TMEM232: variants seen among roughly 807,000 people sequenced by gnomAD.
TMEM232 encodes the protein transmembrane protein 232.
In TMEM232, 80 loss-of-function variants were observed where a neutral mutation model predicts 78.8. That is an observed-to-expected ratio of 1.01 (90% CI 0.85 to 1.22). The LOEUF is 1.22. TMEM232 is among the 50% of genes most tolerant of loss of function. The pLI is 0.00. For missense variants in TMEM232, 881 were observed against 742.2 expected, an observed-to-expected ratio of 1.19 and a Z score of -2.17; for synonymous variants, 297 against 254.3, an observed-to-expected ratio of 1.17 and a Z score of -1.60.
chr5:110,710,816 G>C (rs190096454), intron 1 of TMEM232, among the ~76,000 whole-genome samples: 1 of 152,088 alleles, frequency 6.6e-6, no homozygotes, highest in Non-Finnish European at 1.5e-5. Flanking sequence ...ACACTGAATG[G>C]GGAAAAATGG....
At chr5:110,622,126 G>A (rs1554060743) in intron 7 of TMEM232, among the ~76,000 whole-genome samples, 1 of 152,078 alleles carries the variant, frequency 6.6e-6, no homozygotes, top group Non-Finnish European at 1.5e-5. Flanking sequence ...AATTTGACGT[G>A]AATCATAGGA....
At chr5:110,591,928 A>G (rs561467661) in intron 10 of TMEM232, among the ~76,000 whole-genome samples, 7 of 152,266 alleles carry the variant, frequency 4.6e-5, no homozygotes, top group African/African-American at 1.7e-4. Context: ...AAAAGCCCAC[A>G]CAGATGATAC....
At chr5:110,640,328 A>G (rs866064995) in intron 4 of TMEM232, among the ~76,000 whole-genome samples, 1 of 152,136 alleles carries the variant, frequency 6.6e-6, no homozygotes, top group African/African-American at 2.4e-5. Context: ...ACATTCTAAA[A>G]CTACTTTAAA....
At chr5:110,575,871 G>C (rs1386444438) in intron 10 of TMEM232, among the ~76,000 whole-genome samples, 1 of 151,984 alleles carries the variant, frequency 6.6e-6, no homozygotes, top group East Asian at 1.9e-4. Flanking sequence ...AGTTTCAGCA[G>C]AGCAGCTGCT....
intron 12 of TMEM232, among the ~76,000 whole-genome samples, chr5:110,459,696 C>T (rs1183763565): frequency 6.6e-6 from 1 of 152,052 alleles, no homozygotes; most frequent in Non-Finnish European, 1.5e-5. Context: ...AAAATATTTT[C>T]TTACAAATTA....
intron 9 of TMEM232, 41 bp from the exon 10 acceptor site, chr5:110,605,399 T>C (rs1268117440): frequency 1.3e-6 from 2 of 1,514,726 alleles, no homozygotes; most frequent in Non-Finnish European, 8.9e-7. Flanking sequence ...AAAGTATATC[T>C]TTGCATATCA....
At chr5:110,708,092 T>C (rs773437629) in intron 1 of TMEM232, among the ~76,000 whole-genome samples, 1 of 152,142 alleles carries the variant, frequency 6.6e-6, no homozygotes, top group Non-Finnish European at 1.5e-5. Flanking sequence ...CTTGCAGTTA[T>C]GGTGGCTACA....
intron 11 of TMEM232, among the ~76,000 whole-genome samples, chr5:110,552,517 G>T (rs562168449): frequency 6.6e-6 from 1 of 152,066 alleles, no homozygotes; most frequent in East Asian, 1.9e-4. Flanking sequence ...GACACAAAAA[G>T]TTTAAGATCA....
chr5:110,577,546 A>G (rs187639420), intron 10 of TMEM232, among the ~76,000 whole-genome samples: 1 of 152,238 alleles, frequency 6.6e-6, no homozygotes, highest in African/African-American at 2.4e-5. Context: ...ACTATAAATC[A>G]TTTTATTATG....
At chr5:110,405,865 C>T (rs955069581) in intron 2 of TMEM232, among the ~76,000 whole-genome samples, 15 of 151,448 alleles carry the variant, frequency 9.9e-5, no homozygotes, top group Non-Finnish European at 1.9e-4. Flanking sequence ...TTAAACATGA[C>T]AACCAAAATT....
At chr5:110,459,746 G>C (rs1241005327) in intron 12 of TMEM232, among the ~76,000 whole-genome samples, 1 of 152,040 alleles carries the variant, frequency 6.6e-6, no homozygotes, top group Non-Finnish European at 1.5e-5. Flanking sequence ...TTATGATGGG[G>C]AAATCTATTA....
chr5:110,640,295 T>C (rs1160315067), intron 4 of TMEM232, among the ~76,000 whole-genome samples: 4 of 152,144 alleles, frequency 2.6e-5, no homozygotes, highest in African/African-American at 9.7e-5. Flanking sequence ...ATGGGGGAAA[T>C]TCTCTCTGAG....
chr5:110,622,329 A>G (rs1783850567), intron 7 of TMEM232, among the ~76,000 whole-genome samples: 1 of 152,194 alleles, frequency 6.6e-6, no homozygotes, highest in South Asian at 2.1e-4. Flanking sequence ...AACTATTTGT[A>G]CTTCAGAACA....
At chr5:110,522,369 G>T (rs2149503852) in intron 12 of TMEM232, among the ~76,000 whole-genome samples, 1 of 152,052 alleles carries the variant, frequency 6.6e-6, no homozygotes, top group Admixed American at 6.5e-5. Context: ...CTGAAAACAG[G>T]GACAGTTTTA....
intron 5 of TMEM232, among the ~76,000 whole-genome samples, chr5:110,630,382 T>A (rs1561418774): frequency 2.0e-5 from 3 of 152,168 alleles, no homozygotes; most frequent in African/African-American, 7.2e-5. Context: ...GGGAAATACC[T>A]GAGACACAGA....
chr5:110,523,571 GTTTTCA>G (rs879447117), intron 12 of TMEM232, among the ~76,000 whole-genome samples: 2 of 151,690 alleles, frequency 1.3e-5, no homozygotes, highest in African/African-American at 2.4e-5. Context: ...AGTATGTTTT[GTTTTCA>G]TTTTCATTTT....
intron 3 of TMEM232, among the ~76,000 whole-genome samples, chr5:110,392,793 A>C (rs1755251234): frequency 6.6e-6 from 1 of 152,204 alleles, no homozygotes; most frequent in African/African-American, 2.4e-5. Context: ...GTCAGTCAGT[A>C]ACAACAATTT....
intron 1 of TMEM232, among the ~76,000 whole-genome samples, chr5:110,708,594 G>GT (rs35992452): frequency 3.4e-4 from 52 of 151,770 alleles, no homozygotes; most frequent in African/African-American, 1.3e-3. Context: ...AAGTTAAAAA[G>GT]AGTTTTTATT....
chr5:110,720,470 C>G (rs1399276154), intron 1 of TMEM232: 3 of 152,184 alleles, frequency 2.0e-5, no homozygotes, highest in African/African-American at 7.2e-5. Context: ...TGATTGGAAG[C>G]TTAGGGGAGA....
Sources: allele counts gnomAD v4.1 joint callset (sites outside exome capture counted in the v4.1 genomes callset), GRCh38; gene constraint gnomAD v4.1.1; transcripts MANE v1.5; gene names NCBI Gene and HGNC (gene_info 2026-07-23, HGNC 2026-07-21).